The following HS3ST4 variants were observed in gnomAD, a reference collection of about 807,000 sequenced individuals.
HS3ST4 encodes the protein heparan sulfate-glucosamine 3-sulfotransferase 4, also known as heparan sulfate glucosamine 3-O-sulfotransferase 4.
A neutral mutation model predicts 29.2 loss-of-function variants in HS3ST4; 17 were observed. That is an observed-to-expected ratio of 0.58 (90% confidence interval 0.40 to 0.87). HS3ST4 has a LOEUF of 0.87. Ranked by LOEUF, HS3ST4 falls within the 40% of genes least tolerant of loss-of-function variation. The pLI is 0.00. For missense variants in HS3ST4, 627 were observed against 634.5 expected (o/e 0.99, Z 0.13); for synonymous variants, 314 against 285.7 (o/e 1.10, Z -1.00).
At chr16:25,944,361 T>C (rs1968604857) in intron 1 of HS3ST4, among the ~76,000 whole-genome samples, 2 of 152,226 alleles carry the variant, frequency 1.3e-5, no homozygotes, top group African/African-American at 4.8e-5. Flanking sequence ...TCTCCCTTAA[T>C]GAAAGGGGTA....
At chr16:25,913,980 G>GGTGTGTGTGTGCAGGGAGGTGTAT (rs1968265892) in intron 1 of HS3ST4, among the ~76,000 whole-genome samples, 2 of 148,620 alleles carry the variant, frequency 1.3e-5, no homozygotes, top group African/African-American at 2.5e-5. Context: ...ATGTGTATGT[G>GGTGTGTGTGTGCAGGGAGGTGTAT]GTGTGTGTGT....
At chr16:26,124,131 G>C (rs964207881) in intron 1 of HS3ST4, among the ~76,000 whole-genome samples, 1 of 151,996 alleles carries the variant, frequency 6.6e-6, no homozygotes, top group African/African-American at 2.4e-5. Context: ...TGTGAGTCAG[G>C]TTGGTCTTGA....
rs540942120 is a variant in HS3ST4, at chr16:26,078,633, G to A, written c.735-56979G>A. On this transcript the variant is annotated intron_variant, in intron 1 of 1. Transcript: ENST00000331351. Reference sequence around the variant, plus strand: ...TAAAATTATTTTCAGCATTAAACACGGTATATCTGAGCTCATGCATCTAGT... The same window carrying A: ...TAAAATTATTTTCAGCATTAAACACAGTATATCTGAGCTCATGCATCTAGT... Among the ~76,000 whole-genome samples, 10 of 152,178 alleles carry A rather than the reference G, an allele frequency of 6.6e-5. No individual in the cohort carries two copies. The East Asian group carries it at 1.7e-3, about 26-fold the overall frequency.
At chr16:26,007,597 A>G (rs960110821) in intron 1 of HS3ST4, among the ~76,000 whole-genome samples, 1 of 152,140 alleles carries the variant, frequency 6.6e-6, no homozygotes, top group Non-Finnish European at 1.5e-5. Context: ...CTTCATCCTC[A>G]GCTTCCGTTC....
intron 1 of HS3ST4, among the ~76,000 whole-genome samples, chr16:26,115,810 C>T (rs1899195312): frequency 6.6e-6 from 1 of 152,134 alleles, no homozygotes; most frequent in South Asian, 2.1e-4. Context: ...GGGGCCACTG[C>T]CCTGCTTCCT....
chr16:26,017,423 C>T (rs796600893), intron 1 of HS3ST4, among the ~76,000 whole-genome samples: 11 of 152,062 alleles, frequency 7.2e-5, no homozygotes, highest in South Asian at 4.2e-4. Context: ...ATATTGGCTG[C>T]GTGTGGCAAT....
chr16:25,990,386 G>A (rs1969104210), intron 1 of HS3ST4, among the ~76,000 whole-genome samples: 1 of 152,242 alleles, frequency 6.6e-6, no homozygotes, highest in African/African-American at 2.4e-5. Flanking sequence ...CAGTGAATGA[G>A]AGTGGTTGTT....
At chr16:26,098,473 C>T (rs916830386) in intron 1 of HS3ST4, among the ~76,000 whole-genome samples, 3 of 152,100 alleles carry the variant, frequency 2.0e-5, no homozygotes, top group African/African-American at 7.2e-5. Flanking sequence ...TCTCAGCAAA[C>T]TATCACAAGG....
At chr16:25,901,589 G>A (rs1487413631) in intron 1 of HS3ST4, among the ~76,000 whole-genome samples, 8 of 152,134 alleles carry the variant, frequency 5.3e-5, no homozygotes, top group Non-Finnish European at 8.8e-5. Context: ...GAGGAGAATC[G>A]GTTGAACCCA....
chr16:25,828,301 C>CCTTTCTCT (rs1967253436), intron 1 of HS3ST4, among the ~76,000 whole-genome samples: 1 of 32,882 alleles, frequency 3.0e-5, no homozygotes, highest in Non-Finnish European at 5.5e-5. Context: ...TCTTTCTTTC[C>CCTTTCTCT]CTCTCTCTCT....
chr16:25,936,578 T>A (rs1300138231), intron 1 of HS3ST4, among the ~76,000 whole-genome samples: 4 of 152,164 alleles, frequency 2.6e-5, no homozygotes, highest in African/African-American at 7.2e-5. Context: ...TAGCGAGTAA[T>A]TAATAAAGAT....
intron 1 of HS3ST4, among the ~76,000 whole-genome samples, chr16:26,130,174 C>T (rs1226170466): frequency 1.3e-5 from 2 of 152,156 alleles, no homozygotes; most frequent in African/African-American, 4.8e-5. Flanking sequence ...GAATGATTCT[C>T]GCTTCAGGAC....
Position 25,713,879 on chromosome 16 carries a change from GC to G in HS3ST4, c.734+20731del, listed in dbSNP as rs904456082. 9.2e-5 allele frequency among the ~76,000 whole-genome samples: 14 copies of G among 152,312 alleles called. No homozygotes were observed. The South Asian group carries it at 2.5e-3, about 27-fold the overall frequency. On this transcript the variant is annotated intron_variant, in intron 1 of 1. Transcript: ENST00000331351. ...GGGTCTAAGGGATCCAATTCCCTTGGCCCTGCCTGTTGCTTGGATGGCCTTG... is the reference window on the plus strand; with the variant it reads ...GGGTCTAAGGGATCCAATTCCCTTGGCCTGCCTGTTGCTTGGATGGCCTTG...
chr16:25,736,644 A>G (rs1200152101), intron 1 of HS3ST4, among the ~76,000 whole-genome samples: 5 of 152,176 alleles, frequency 3.3e-5, no homozygotes, highest in Admixed American at 1.3e-4. Flanking sequence ...TGTGTATTCA[A>G]TTATCAGAAA....
chr16:25,934,124 CT>C (rs1218604436), intron 1 of HS3ST4, among the ~76,000 whole-genome samples: 3 of 152,178 alleles, frequency 2.0e-5, no homozygotes, highest in African/African-American at 7.2e-5. Flanking sequence ...TATGTTTTGA[CT>C]GGTTTGTAAG....
At chr16:26,092,852 AG>A (rs1439268365) in intron 1 of HS3ST4, among the ~76,000 whole-genome samples, 2 of 152,132 alleles carry the variant, frequency 1.3e-5, no homozygotes, top group Admixed American at 1.3e-4. Context: ...AAGCCATGAC[AG>A]ACTGTACCTG....
At chr16:25,745,146 A>G (rs1227853362) in intron 1 of HS3ST4, among the ~76,000 whole-genome samples, 1 of 152,150 alleles carries the variant, frequency 6.6e-6, no homozygotes, top group Non-Finnish European at 1.5e-5. Context: ...AGGGCCTGGA[A>G]AAGATAGTCT....
intron 1 of HS3ST4, among the ~76,000 whole-genome samples, chr16:25,795,949 T>C (rs1375848918): frequency 6.6e-6 from 1 of 152,186 alleles, no homozygotes; most frequent in Non-Finnish European, 1.5e-5. Flanking sequence ...AAACTCTTTT[T>C]TTTTTAATCC....
At chr16:25,770,025 A>G (rs1013975327) in intron 1 of HS3ST4, among the ~76,000 whole-genome samples, 1 of 152,190 alleles carries the variant, frequency 6.6e-6, no homozygotes. Context: ...TAAGTGCAAA[A>G]TGCAGACTAG....
Sources: gnomAD v4.1 joint callset for allele counts (sites outside exome capture counted in the v4.1 genomes callset) on GRCh38, gnomAD v4.1.1 for gene constraint, MANE v1.5 for transcripts, NCBI Gene and HGNC (gene_info 2026-07-23, HGNC 2026-07-21) for gene names.